MCPH1: variants seen among roughly 807,000 people sequenced by gnomAD.
The protein encoded by MCPH1 is microcephalin 1, also known as microcephalin.
Under a neutral mutation model 84.5 loss-of-function variants are expected in MCPH1, and 104 were observed. The ratio of observed to expected loss-of-function variants is 1.23; its 90% CI spans 1.05 to 1.45. The LOEUF (loss-of-function observed/expected upper bound fraction) is 1.45. MCPH1 is among the 40% of genes most tolerant of loss of function. MCPH1 has a pLI of 0.00. For missense variants in MCPH1, 1,498 were observed against 1,005.7 expected (o/e 1.49, Z -6.62); for synonymous variants, 514 against 366.8 (o/e 1.40, Z -4.58).
chr8:6,627,041 T>C (rs1796778294), intron 13 of MCPH1: 1 of 984,922 alleles, frequency 1.0e-6, no homozygotes, highest in African/African-American at 1.8e-5. Flanking sequence ...TAAAGAAAAT[T>C]TGGTTTGAAC....
intron 9 of MCPH1, among the ~76,000 whole-genome samples, chr8:6,474,758 T>G (rs1318285489): frequency 1.3e-5 from 2 of 152,174 alleles, no homozygotes; most frequent in African/African-American, 2.4e-5. Context: ...TAGAAATTTT[T>G]GGAGTCCAAG....
At chr8:6,450,768 G>T (rs2440411) in intron 8 of MCPH1, among the ~76,000 whole-genome samples, 2 of 151,658 alleles carry the variant, frequency 1.3e-5, no homozygotes, top group East Asian at 1.9e-4. Context: ...TTTGAGATAG[G>T]GTCTCACTCT....
rs1349038447 is a variant in MCPH1, at chr8:6,431,500, T to G, written c.235T>G (p.Cys79Gly). The part of the protein sequence containing the change: ...KLVSVLWVEK[C>G]RTAGAHIDES... ...GACTACCTTAATTTAATTATACAGA[T>G]GCAGGACAGCTGGAGCACACATTGA... Residue 79 changes from cysteine to glycine, a missense_variant and splice_region_variant, in exon 4 of 14, where the codon TGC becomes GGC. Cys to Gly is a radical substitution (Grantham distance 159). Coordinates refer to ENST00000344683, the MANE Select transcript of MCPH1 (RefSeq NM_024596.5). 1 of 1,612,068 alleles carries G rather than the reference T, an allele frequency of 6.2e-7. No individual in the cohort carries two copies. Among genetic ancestry groups the G allele is most frequent in the Non-Finnish European group, 8.5e-7 (1 of 1,178,296 alleles).
intron 12 of MCPH1, among the ~76,000 whole-genome samples, chr8:6,587,789 A>T (rs1016674950): frequency 2.6e-5 from 4 of 152,224 alleles, no homozygotes; most frequent in African/African-American, 7.2e-5. Flanking sequence ...GAGAGCACAG[A>T]CATGGACTAA....
rs139740246 is a variant in MCPH1 at position 6,432,128 on chromosome 8, G to A, written c.321+542G>A. Among the ~76,000 whole-genome samples the A allele has an allele frequency of 2.1e-3, 317 of 152,230 alleles. 2 individuals are homozygous for A. Among genetic ancestry groups the A allele is most frequent in the African/African-American group, 7.0e-3 (290 of 41,540 alleles). On this transcript the variant is annotated intron_variant, in intron 4 of 13. Transcript: ENST00000344683. ...GCATGTAACCTACACAAATCCTCCC[G>A]TATACCTAAGAAAGAATTGTTTGTA...
At chr8:6,500,829 A>T (rs1255125970) in intron 12 of MCPH1, 1 of 152,218 alleles carries the variant, frequency 6.6e-6, no homozygotes, top group Non-Finnish European at 1.5e-5. Flanking sequence ...GAGATTATAT[A>T]TGATGCACAA....
intron 12 of MCPH1, among the ~76,000 whole-genome samples, chr8:6,599,453 T>C (rs1829201108): frequency 6.6e-6 from 1 of 152,250 alleles, no homozygotes; most frequent in Non-Finnish European, 1.5e-5. Flanking sequence ...TGATGAATGA[T>C]GCTTGTTTTC....
chr8:6,447,819 G>C (rs1397499283), intron 8 of MCPH1, among the ~76,000 whole-genome samples: 1 of 152,172 alleles, frequency 6.6e-6, no homozygotes, highest in Non-Finnish European at 1.5e-5. Context: ...AAAGTGTTGG[G>C]ATTACAGGCG....
At chr8:6,482,220 A>T (rs1237208904) in intron 11 of MCPH1, among the ~76,000 whole-genome samples, 1 of 152,234 alleles carries the variant, frequency 6.6e-6, no homozygotes, top group Non-Finnish European at 1.5e-5. Context: ...GCTTTCTTTA[A>T]GTGAAAAGGT....
intron 12 of MCPH1, chr8:6,508,617 A>G (rs1814276879): frequency 2.0e-6 from 1 of 488,618 alleles, no homozygotes; most frequent in Non-Finnish European, 3.5e-6. Context: ...AATGTAATTA[A>G]ACCATCTCTC....
chr8:6,551,856 C>G (rs921897160), intron 12 of MCPH1, among the ~76,000 whole-genome samples: 20 of 152,176 alleles, frequency 1.3e-4, no homozygotes, highest in African/African-American at 4.6e-4. Flanking sequence ...AATTTTTACA[C>G]CAACATTTCC....
chr8:6,570,832 A>C (rs1287744760), intron 12 of MCPH1, among the ~76,000 whole-genome samples: 1 of 143,756 alleles, frequency 7.0e-6, no homozygotes, highest in Non-Finnish European at 1.5e-5. Context: ...TTTTTAACAA[A>C]CTTAAGAGAT....
chr8:6,479,887 A>C (rs910522368), intron 10 of MCPH1, among the ~76,000 whole-genome samples: 1 of 152,188 alleles, frequency 6.6e-6, no homozygotes, highest in Non-Finnish European at 1.5e-5. Context: ...CTTTGTGACA[A>C]ATAGGTCCCA....
intron 12 of MCPH1, 84 bp from the exon 13 acceptor site, chr8:6,621,370 A>C: frequency 6.6e-7 from 1 of 1,520,590 alleles, no homozygotes; most frequent in Admixed American, 1.7e-5. Context: ...TTCATAAAAA[A>C]GGAAGTAAAC....
At chr8:6,475,496 A>G (rs1808328396) in intron 9 of MCPH1, among the ~76,000 whole-genome samples, 1 of 152,234 alleles carries the variant, frequency 6.6e-6, no homozygotes, top group Non-Finnish European at 1.5e-5. Flanking sequence ...GGGAAAACCC[A>G]GGTAGCCTGG....
At chr8:6,608,409 A>T (rs1165053836) in intron 12 of MCPH1, among the ~76,000 whole-genome samples, 7 of 152,164 alleles carry the variant, frequency 4.6e-5, no homozygotes, top group African/African-American at 1.7e-4. Flanking sequence ...TGTCTTTCTA[A>T]TTGTTAGACT....
At chr8:6,467,764 T>A (rs1807164509) in intron 9 of MCPH1, among the ~76,000 whole-genome samples, 1 of 151,966 alleles carries the variant, frequency 6.6e-6, no homozygotes, top group Non-Finnish European at 1.5e-5. Flanking sequence ...GCTCAGCTAA[T>A]TTTTTTTGTT....
chr8:6,616,647 C>T (rs1830819384), intron 12 of MCPH1: 1 of 152,288 alleles, frequency 6.6e-6, no homozygotes. Context: ...AGCCTTCTGG[C>T]TTCTGCCACT....
chr8:6,610,389 A>G (rs942196100), intron 12 of MCPH1, among the ~76,000 whole-genome samples: 1 of 152,204 alleles, frequency 6.6e-6, no homozygotes, highest in Admixed American at 6.5e-5. Flanking sequence ...ACTGATTAGA[A>G]TATCCTTTTA....
Sources: allele counts gnomAD v4.1 joint callset (sites outside exome capture counted in the v4.1 genomes callset), GRCh38; gene constraint gnomAD v4.1.1; transcripts MANE v1.5; gene names NCBI Gene and HGNC (gene_info 2026-07-23, HGNC 2026-07-21).